The following DAB1 variants were observed in gnomAD, a reference collection of about 807,000 sequenced individuals.
DAB1 encodes the protein disabled homolog 1.
DAB1 carries 15 observed loss-of-function variants against 64.6 expected under a neutral mutation model. That is an observed-to-expected ratio of 0.23 (90% CI 0.16 to 0.36). DAB1 has a LOEUF of 0.36. DAB1 is among the 10% of genes least tolerant of loss of function. The probability of loss-of-function intolerance (pLI) is 1.00; values close to 1 mark genes in which losing one functional copy is unlikely to be tolerated. For synonymous variants in DAB1, 235 were observed against 251.9 expected, an observed-to-expected ratio of 0.93 and a Z score of 0.64; for missense variants, 596 against 706.7, an observed-to-expected ratio of 0.84 and a Z score of 1.78.
At chr1:57,861,938 C>T (rs1430363361) in intron 1 of DAB1, among the ~76,000 whole-genome samples, 1 of 152,016 alleles carries the variant, frequency 6.6e-6, no homozygotes, top group Non-Finnish European at 1.5e-5. Flanking sequence ...TCTTCTATAA[C>T]CTGCTCACAT....
upstream of DAB1, among the ~76,000 whole-genome samples, chr1:57,427,853 T>A (rs1260993739): frequency 6.6e-6 from 1 of 152,172 alleles, no homozygotes; most frequent in African/African-American, 2.4e-5. Context: ...ATTTTGTGCA[T>A]GTGATAAGAA....
At chr1:57,521,690 G>A (rs1644528768) in intron 7 of DAB1, among the ~76,000 whole-genome samples, 1 of 152,214 alleles carries the variant, frequency 6.6e-6, no homozygotes, top group Non-Finnish European at 1.5e-5. Context: ...TACAGAGAAA[G>A]TGAACAGGGG....
chr1:57,718,725 G>A (rs1444329145), intron 6 of DAB1, among the ~76,000 whole-genome samples: 1 of 152,072 alleles, frequency 6.6e-6, no homozygotes, highest in African/African-American at 2.4e-5. Flanking sequence ...TCTTCAAAAT[G>A]TTATCAATAT....
intron 4 of DAB1, among the ~76,000 whole-genome samples, chr1:58,165,320 C>T (rs139742634): frequency 6.6e-6 from 1 of 152,270 alleles, no homozygotes; most frequent in East Asian, 1.9e-4. Context: ...GAGTGTGACC[C>T]CACTGTGTGA....
intron 7 of DAB1, among the ~76,000 whole-genome samples, chr1:57,524,805 G>C (rs1644571813): frequency 6.6e-6 from 1 of 152,124 alleles, no homozygotes; most frequent in Non-Finnish European, 1.5e-5. Context: ...GGATGTATAC[G>C]TGCAAGTCAC....
At chr1:57,500,750 A>T (rs1346567993) in intron 7 of DAB1, among the ~76,000 whole-genome samples, 2 of 152,294 alleles carry the variant, frequency 1.3e-5, no homozygotes, top group African/African-American at 4.8e-5. Flanking sequence ...TAGAAAAAAA[A>T]ATCTGCCTTT....
chr1:57,803,834 A>C (rs2101875868), intron 6 of DAB1, among the ~76,000 whole-genome samples: 1 of 152,298 alleles, frequency 6.6e-6, no homozygotes, highest in African/African-American at 2.4e-5. Context: ...TATGCCGGAG[A>C]CTTCCTTGCT....
At chr1:58,371,703 C>T (rs1644265272) in intron 3 of DAB1, among the ~76,000 whole-genome samples, 1 of 152,188 alleles carries the variant, frequency 6.6e-6, no homozygotes, top group South Asian at 2.1e-4. Context: ...CAGGACCCCC[C>T]TGCTCTGTGA....
intron 7 of DAB1, among the ~76,000 whole-genome samples, chr1:57,457,098 A>T (rs553025115): frequency 7.2e-5 from 11 of 152,166 alleles, no homozygotes; most frequent in Non-Finnish European, 1.2e-4. Flanking sequence ...AGACAAAGAA[A>T]CGAGGGATCC....
chr1:57,671,597 T>A (rs1646511342), intron 6 of DAB1, among the ~76,000 whole-genome samples: 1 of 152,128 alleles, frequency 6.6e-6, no homozygotes, highest in Non-Finnish European at 1.5e-5. Flanking sequence ...TGATCTTAAC[T>A]GTAGACCATC....
chr1:58,007,369 C>T (rs955632751), intron 5 of DAB1, among the ~76,000 whole-genome samples: 2 of 152,160 alleles, frequency 1.3e-5, no homozygotes, highest in African/African-American at 4.8e-5. Flanking sequence ...CTTTTGCAGC[C>T]AAAACATATA....
chr1:57,306,634 A>G (rs930763101), intron 1 of DAB1, among the ~76,000 whole-genome samples: 1 of 151,748 alleles, frequency 6.6e-6, no homozygotes, highest in Non-Finnish European at 1.5e-5. Context: ...AATTCGGAAA[A>G]CAGTTTAGAT....
At chr1:57,538,337 C>A (rs2691444) in intron 7 of DAB1, among the ~76,000 whole-genome samples, 1 of 152,108 alleles carries the variant, frequency 6.6e-6, no homozygotes, top group Non-Finnish European at 1.5e-5. Flanking sequence ...AGAAGAACTA[C>A]TGGACACAGT....
At chr1:58,458,439 T>C (rs1266153075) in intron 3 of DAB1, among the ~76,000 whole-genome samples, 7 of 152,238 alleles carry the variant, frequency 4.6e-5, no homozygotes, top group Admixed American at 4.6e-4. Flanking sequence ...CCAGGTTTGT[T>C]CTACTCCAAA....
chr1:57,072,176 C>T, intron 5 of DAB1, 107 bp downstream of exon 5: 1 of 1,239,590 alleles, frequency 8.1e-7, no homozygotes. Flanking sequence ...AGTGGAAATA[C>T]ATTGCTTGGT....
chr1:57,670,410 C>T (rs568660147), intron 6 of DAB1, among the ~76,000 whole-genome samples: 8 of 152,120 alleles, frequency 5.3e-5, no homozygotes, highest in African/African-American at 1.7e-4. Flanking sequence ...TACCCTAGGA[C>T]GATTGTGTGA....
chr1:58,521,231 C>T (rs1359459673), intron 2 of DAB1, among the ~76,000 whole-genome samples: 1 of 151,698 alleles, frequency 6.6e-6, no homozygotes, highest in Non-Finnish European at 1.5e-5. Flanking sequence ...AACAAGAATA[C>T]ATTTTAAACT....
chr1:57,454,949 CT>C (rs1282679095), intron 7 of DAB1, among the ~76,000 whole-genome samples: 2 of 151,882 alleles, frequency 1.3e-5, no homozygotes, highest in Admixed American at 6.6e-5. Context: ...GCTGTAAGTG[CT>C]TTAATAAAGA....
intron 6 of DAB1, among the ~76,000 whole-genome samples, chr1:57,684,841 G>C (rs1196803757): frequency 1.3e-5 from 2 of 152,140 alleles, no homozygotes. Context: ...AAAGAGACAA[G>C]ACCTGACTGC....
Sources: allele counts gnomAD v4.1 joint callset (sites outside exome capture counted in the v4.1 genomes callset), GRCh38; gene constraint gnomAD v4.1.1; transcripts MANE v1.5; gene names NCBI Gene and HGNC (gene_info 2026-07-23, HGNC 2026-07-21).